DYM: variants seen among roughly 807,000 people sequenced by gnomAD.
DYM encodes dyggve-Melchior-Clausen syndrome protein.
Under a neutral mutation model 93.1 loss-of-function variants are expected in DYM, and 78 were observed. The observed-to-expected ratio is 0.84, with a 90% CI of 0.70 to 1.01. The LOEUF is 1.01. Among genes scored for constraint, DYM ranks in the 50% least tolerant of loss-of-function variants. The pLI, the probability that DYM is intolerant of heterozygous loss-of-function variation, is 0.00. For missense variants in DYM, 789 were observed against 845.0 expected (o/e 0.93, Z 0.82); for synonymous variants, 321 against 319.7 (o/e 1.00, Z -0.04).
intron 14 of DYM, among the ~76,000 whole-genome samples, chr18:49,197,248 A>C (rs1296844952): frequency 6.6e-6 from 1 of 152,008 alleles, no homozygotes; most frequent in Non-Finnish European, 1.5e-5. Context: ...GTAAAGTCAT[A>C]GAAATTGATG....
intron 2 of DYM, among the ~76,000 whole-genome samples, chr18:49,428,266 C>G (rs2074482176): frequency 6.6e-6 from 1 of 151,206 alleles, no homozygotes; most frequent in South Asian, 2.1e-4. Context: ...GCCTGGGTAA[C>G]AGAGCAAGAC....
intron 14 of DYM, among the ~76,000 whole-genome samples, chr18:49,171,039 G>A (rs1275556192): frequency 2.6e-5 from 4 of 151,998 alleles, no homozygotes; most frequent in African/African-American, 9.7e-5. Flanking sequence ...AACAAAAAAC[G>A]AAGTCACTGG....
intron 15 of DYM, among the ~76,000 whole-genome samples, chr18:49,127,811 T>A (rs1306715239): frequency 6.6e-6 from 1 of 152,230 alleles, no homozygotes; most frequent in Non-Finnish European, 1.5e-5. Context: ...ACAGGTTTTA[T>A]ATTACACATA....
chr18:49,217,170 T>G (rs1279540499), intron 13 of DYM, among the ~76,000 whole-genome samples: 3 of 151,840 alleles, frequency 2.0e-5, no homozygotes, highest in Non-Finnish European at 4.4e-5. Context: ...CAAGATGAAA[T>G]GAATGAAATG....
chr18:49,065,077 C>T (rs2076280850), intron 17 of DYM, among the ~76,000 whole-genome samples: 2 of 151,914 alleles, frequency 1.3e-5, no homozygotes, highest in South Asian at 2.1e-4. Flanking sequence ...CTTGTTTAGC[C>T]ACTTCATTAG....
At chr18:49,238,455 T>A (rs2093937511) in intron 13 of DYM, among the ~76,000 whole-genome samples, 1 of 151,584 alleles carries the variant, frequency 6.6e-6, no homozygotes, top group African/African-American at 2.4e-5. Flanking sequence ...TAATAGTATA[T>A]AATAATATTA....
chr18:49,079,755 A>G (rs1458091225), intron 17 of DYM, among the ~76,000 whole-genome samples: 2 of 151,880 alleles, frequency 1.3e-5, no homozygotes, highest in African/African-American at 4.8e-5. Context: ...CCAAGGCAGA[A>G]GAATTTATCT....
intron 10 of DYM, 107 bp from the exon 11 acceptor site, chr18:49,272,410 A>G: frequency 1.2e-6 from 1 of 800,934 alleles, no homozygotes; most frequent in South Asian, 1.7e-5. Context: ...TATCAGTTAT[A>G]TTTTTCATTA....
At chr18:49,167,033 T>TGTGC (rs2087987331) in intron 14 of DYM, among the ~76,000 whole-genome samples, 1 of 138,720 alleles carries the variant, frequency 7.2e-6, no homozygotes. Context: ...TGTGTGTGTG[T>TGTGC]GCGCGCCTGT....
In DYM at chr18:49,039,167, A is replaced by C. The variant is rs1247069679; in HGVS notation, c.*4888T>G. 1.3e-5 allele frequency among the ~76,000 whole-genome samples: 2 copies of C among 152,048 alleles called. No individual in the cohort carries two copies. Among genetic ancestry groups the C allele is most frequent in the Non-Finnish European group, 2.9e-5 (2 of 68,010 alleles). ...CATATCCTCTTCATTTTTGCAGGAT[A>C]TTTTCCCTGATTAGAAATTTTTAGG... is the stretch of plus-strand genomic sequence containing the variant. On this transcript the variant is annotated 3_prime_UTR_variant, in exon 18 of 18. Transcript: ENST00000675505.
At chr18:49,198,489 AG>A (rs1325432329) in intron 14 of DYM, among the ~76,000 whole-genome samples, 6 of 152,228 alleles carry the variant, frequency 3.9e-5, no homozygotes, top group Non-Finnish European at 8.8e-5. Context: ...CCATCTGACA[AG>A]GGGCTAATAT....
intron 6 of DYM, among the ~76,000 whole-genome samples, chr18:49,337,986 C>A (rs778878475): frequency 2.6e-5 from 4 of 151,926 alleles, no homozygotes; most frequent in Non-Finnish European, 5.9e-5. Flanking sequence ...GGGGTGGGAG[C>A]AAAGGGACTC....
At chr18:49,339,861 C>A (rs2146973624) in intron 6 of DYM, among the ~76,000 whole-genome samples, 1 of 152,286 alleles carries the variant, frequency 6.6e-6, no homozygotes, top group East Asian at 1.9e-4. Context: ...TGGAGGCAAT[C>A]CGGGTATAAC....
intron 6 of DYM, among the ~76,000 whole-genome samples, chr18:49,357,113 A>C (rs1470642088): frequency 6.6e-6 from 1 of 152,166 alleles, no homozygotes; most frequent in Non-Finnish European, 1.5e-5. Flanking sequence ...AGAAGTCCCT[A>C]TCCAGTTCTT....
Position 49,333,211 on chromosome 18 carries a change from G to A in DYM, c.620+517C>T, listed in dbSNP as rs577321919. Among the ~76,000 whole-genome samples the A allele has an allele frequency of 2.2e-4, 34 of 152,278 alleles. No individual in the cohort carries two copies. In the East Asian group the frequency reaches 4.8e-3, roughly 22 times the overall value. On this transcript the variant is annotated intron_variant, in intron 7 of 17. Coordinates refer to ENST00000675505, the MANE Select transcript of DYM (RefSeq NM_001353214.3). ...TTGCATCCACACCCTCTAGGAGATC[G>A]TAAGCTTCTGCTCAAGAGCATAGCC... is the stretch of plus-strand genomic sequence containing the variant.
chr18:49,137,547 G>A (rs1295159152), intron 15 of DYM, among the ~76,000 whole-genome samples: 1 of 152,086 alleles, frequency 6.6e-6, no homozygotes, highest in Non-Finnish European at 1.5e-5. Flanking sequence ...TTTTGCCTTT[G>A]ACTCTAGAAA....
At chr18:49,328,475 C>A (rs1022432907) in intron 8 of DYM, among the ~76,000 whole-genome samples, 6 of 152,186 alleles carry the variant, frequency 3.9e-5, no homozygotes, top group African/African-American at 1.4e-4. Flanking sequence ...GCAAAAGAAA[C>A]TACCATCAAA....
At chr18:49,272,429 A>G (rs1480440015) in intron 10 of DYM, 126 bp from the exon 11 acceptor site, 2 of 689,436 alleles carry the variant, frequency 2.9e-6, no homozygotes, top group Non-Finnish European at 4.9e-6. Context: ...TAGAGAAAAA[A>G]CCATATAAAC....
intron 10 of DYM, among the ~76,000 whole-genome samples, chr18:49,277,516 C>A (rs566510605): frequency 6.6e-6 from 1 of 152,258 alleles, no homozygotes; most frequent in South Asian, 2.1e-4. Context: ...CCCTAACCCA[C>A]AATGGGACAC....
Sources: gnomAD v4.1 joint callset for allele counts (sites outside exome capture counted in the v4.1 genomes callset) on GRCh38, gnomAD v4.1.1 for gene constraint, MANE v1.5 for transcripts, NCBI Gene and HGNC (gene_info 2026-07-23, HGNC 2026-07-21) for gene names.